The following EXOC4 variants were observed in gnomAD, a reference collection of about 807,000 sequenced individuals.
EXOC4 encodes the protein exocyst complex component 4.
Under a neutral mutation model 107.2 loss-of-function variants are expected in EXOC4, and 71 were observed. That is an observed-to-expected ratio of 0.66 (90% CI 0.55 to 0.81). EXOC4 has a LOEUF of 0.81. Ranked by LOEUF, EXOC4 falls within the 30% of genes least tolerant of loss-of-function variation. The pLI, the probability that EXOC4 is intolerant of heterozygous loss-of-function variation, is 0.00. For synonymous variants in EXOC4, 456 were observed against 441.2 expected, an observed-to-expected ratio of 1.03 and a Z score of -0.42; for missense variants, 1,108 against 1,189.6, an observed-to-expected ratio of 0.93 and a Z score of 1.01.
chr7:134,056,923 A>G (rs1375986600), intron 17 of EXOC4, among the ~76,000 whole-genome samples: 1 of 152,164 alleles, frequency 6.6e-6, no homozygotes, highest in Non-Finnish European at 1.5e-5. Context: ...TGGTTTTATT[A>G]TCTGAAGAGA....
At chr7:133,452,079 C>T (rs1370219842) in intron 7 of EXOC4, among the ~76,000 whole-genome samples, 1 of 152,090 alleles carries the variant, frequency 6.6e-6, no homozygotes, top group Non-Finnish European at 1.5e-5. Context: ...TTTTGTCCTA[C>T]TCAGAAGAGC....
intron 17 of EXOC4, among the ~76,000 whole-genome samples, chr7:134,047,298 C>G (rs1795678483): frequency 6.6e-6 from 1 of 152,016 alleles, no homozygotes; most frequent in Middle Eastern, 3.4e-3. Flanking sequence ...TGCAAATGCT[C>G]TCTATATTTT....
At chr7:133,845,479 A>G (rs897622808) in intron 11 of EXOC4, among the ~76,000 whole-genome samples, 1 of 150,882 alleles carries the variant, frequency 6.6e-6, no homozygotes. Flanking sequence ...TGCCCATTAT[A>G]CTAACTGAAG....
At chr7:133,386,443 G>T (rs1796728568) in intron 7 of EXOC4, among the ~76,000 whole-genome samples, 1 of 152,134 alleles carries the variant, frequency 6.6e-6, no homozygotes, top group South Asian at 2.1e-4. Flanking sequence ...GGAGCACAAA[G>T]AGCTCTCTGG....
chr7:133,362,890 G>A (rs1219163026), intron 6 of EXOC4, among the ~76,000 whole-genome samples: 1 of 152,062 alleles, frequency 6.6e-6, no homozygotes, highest in Admixed American at 6.6e-5. Flanking sequence ...TGGTGGAATT[G>A]GTCATTTTAT....
At chr7:134,000,385 G>A (rs1794504820) in intron 15 of EXOC4, among the ~76,000 whole-genome samples, 1 of 152,152 alleles carries the variant, frequency 6.6e-6, no homozygotes, top group Admixed American at 6.6e-5. Flanking sequence ...CGTGACTGTG[G>A]TAGAGACCAT....
At chr7:133,926,972 A>G (rs1800066391) in intron 13 of EXOC4, among the ~76,000 whole-genome samples, 1 of 152,144 alleles carries the variant, frequency 6.6e-6, no homozygotes, top group East Asian at 1.9e-4. Context: ...CATATATTAA[A>G]TGTTCAGTGA....
chr7:133,635,902 A>G (rs1463272879), intron 10 of EXOC4, among the ~76,000 whole-genome samples: 1 of 152,136 alleles, frequency 6.6e-6, no homozygotes, highest in Non-Finnish European at 1.5e-5. Flanking sequence ...TTTGACCTTA[A>G]TTACCTCCTT....
At chr7:133,643,256 A>G (rs191034276) in intron 10 of EXOC4, among the ~76,000 whole-genome samples, 56 of 152,270 alleles carry the variant, frequency 3.7e-4, no homozygotes, top group African/African-American at 1.2e-3. Context: ...TTAGAGTCCA[A>G]CGTTTGAGGG....
intron 10 of EXOC4, among the ~76,000 whole-genome samples, chr7:133,704,936 G>T (rs1794736636): frequency 6.6e-6 from 1 of 152,182 alleles, no homozygotes; most frequent in African/African-American, 2.4e-5. Context: ...ACAATATGCT[G>T]TTAATAATTT....
intron 7 of EXOC4, among the ~76,000 whole-genome samples, chr7:133,378,431 CT>C (rs1475838729): frequency 6.7e-6 from 1 of 150,084 alleles, no homozygotes; most frequent in African/African-American, 2.5e-5. Context: ...AAAAAAAATG[CT>C]TTTCCCCCCC....
chr7:133,352,714 C>T (rs747324071), intron 5 of EXOC4, among the ~76,000 whole-genome samples: 5 of 151,728 alleles, frequency 3.3e-5, no homozygotes, highest in Non-Finnish European at 5.9e-5. Flanking sequence ...TTTTTTTACC[C>T]CTCATGTTCT....
At chr7:133,581,973 G>A (rs973628133) in intron 9 of EXOC4, among the ~76,000 whole-genome samples, 9 of 152,040 alleles carry the variant, frequency 5.9e-5, no homozygotes, top group Non-Finnish European at 1.2e-4. Context: ...ATCAGGTCTC[G>A]TGAGAACTCC....
chr7:133,866,645 T>C (rs1314672821), intron 11 of EXOC4, among the ~76,000 whole-genome samples: 1 of 152,202 alleles, frequency 6.6e-6, no homozygotes, highest in Non-Finnish European at 1.5e-5. Context: ...TTATCTACTT[T>C]CCTTCTTCCA....
At chr7:133,601,294 G>A (rs192802825) in intron 9 of EXOC4, among the ~76,000 whole-genome samples, 2 of 151,834 alleles carry the variant, frequency 1.3e-5, no homozygotes, top group Admixed American at 1.3e-4. Flanking sequence ...ATAGCTTTCT[G>A]TTTATTAGTG....
At chr7:133,501,584 G>A (rs1484720344) in intron 9 of EXOC4, among the ~76,000 whole-genome samples, 2 of 152,134 alleles carry the variant, frequency 1.3e-5, no homozygotes, top group Non-Finnish European at 2.9e-5. Flanking sequence ...TATTAAAATA[G>A]ACATTGTGAC....
At chr7:133,632,062 A>C (rs2151016681) in intron 10 of EXOC4, among the ~76,000 whole-genome samples, 1 of 152,240 alleles carries the variant, frequency 6.6e-6, no homozygotes, top group Non-Finnish European at 1.5e-5. Flanking sequence ...AATGAAATAT[A>C]TATACACACA....
At chr7:133,631,808 C>T (rs1802597859) in intron 10 of EXOC4, among the ~76,000 whole-genome samples, 1 of 152,008 alleles carries the variant, frequency 6.6e-6, no homozygotes, top group African/African-American at 2.4e-5. Flanking sequence ...CTGTCTTCTT[C>T]AATTACAATT....
At chr7:133,930,594 G>T (rs781422603) in intron 13 of EXOC4, 1 of 151,870 alleles carries the variant, frequency 6.6e-6, no homozygotes, top group Non-Finnish European at 1.5e-5. Flanking sequence ...CAAAAACGGG[G>T]ATACAAAACG....
Sources: gnomAD v4.1 joint callset for allele counts (sites outside exome capture counted in the v4.1 genomes callset) on GRCh38, gnomAD v4.1.1 for gene constraint, MANE v1.5 for transcripts, NCBI Gene and HGNC (gene_info 2026-07-23, HGNC 2026-07-21) for gene names.